Variants in F11 observed in about 807,000 individuals in gnomAD.
The protein encoded by F11 is coagualtion factor XI.
A neutral mutation model predicts 76.5 loss-of-function variants in F11; 78 were observed. The ratio of observed to expected loss-of-function variants is 1.02; its 90% CI spans 0.85 to 1.23. The LOEUF (loss-of-function observed/expected upper bound fraction) is 1.23, where lower values mean the gene tolerates loss of function less well. F11 is among the 50% of genes most tolerant of loss of function. The probability of loss-of-function intolerance (pLI) is 0.00; values close to 1 mark genes in which losing one functional copy is unlikely to be tolerated. For missense variants in F11, 742 were observed against 771.4 expected (o/e 0.96, Z 0.45); for synonymous variants, 278 against 276.3 (o/e 1.01, Z -0.06).
rs1554084006 is a variant in F11 at position 186,287,638 on chromosome 4, A to T, written c.1577-46A>T. 29 of 1,363,280 alleles carry T rather than the reference A, an allele frequency of 2.1e-5. 1 individual carries two copies. The South Asian group carries it at 3.2e-4, about 15-fold the overall frequency. 84.4% of individuals were successfully genotyped at this position (1,363,280 alleles called of 1,614,324 possible). On this transcript the variant is annotated intron_variant, in intron 13 of 14. Transcript: ENST00000403665. Reference sequence around the variant, plus strand: ...TATGTATGCATATATGTTTATGTGTATTGTGTATGGTTATTCTACAAACGA... The same window carrying T: ...TATGTATGCATATATGTTTATGTGTTTTGTGTATGGTTATTCTACAAACGA...
At position 186,269,609 on chromosome 4, in the gene F11, C is replaced by G. The variant is rs1193999923; in HGVS notation, c.56-2000C>G. ...AGGGGCCGAGGGGCCAGGGGAAGGG[C>G]TGAGGGTTGGTGTTTAATGGGCACA... On this transcript the variant is annotated intron_variant, in intron 2 of 14. Coordinates refer to ENST00000403665, the MANE Select transcript of F11 (RefSeq NM_000128.4). Among the ~76,000 whole-genome samples the G allele has an allele frequency of 1.3e-5, 2 of 152,090 alleles. 1 individual carries two copies.
At position 186,267,192 on chromosome 4, in the gene F11, G is replaced by A. The variant is rs760392581; in HGVS notation, c.55+1G>A. The A allele has an allele frequency of 6.5e-7, 1 of 1,539,396 alleles. No individual in the cohort carries two copies. The highest frequency in any genetic ancestry group is 1.1e-5 in the South Asian group (1 of 89,598). On this transcript the variant is annotated splice_donor_variant, in intron 2 of 14. Transcript: ENST00000403665. LOFTEE classifies it high-confidence loss of function. ...ATTTTATTTACTTCAGTTTCTGGTGGTAAGTAGAGTGTTATCTTAACTATG... is the reference window on the plus strand; with the variant it reads ...ATTTTATTTACTTCAGTTTCTGGTGATAAGTAGAGTGTTATCTTAACTATG...
chr4:186,285,240 A>G (rs1183901440), intron 11 of F11, among the ~76,000 whole-genome samples: 1 of 152,120 alleles, frequency 6.6e-6, no homozygotes, highest in Non-Finnish European at 1.5e-5. Flanking sequence ...GTTACCTGTC[A>G]CATATGGGAA....
intron 14 of F11, 102 bp from the exon 15 acceptor site, chr4:186,288,351 C>A: frequency 6.8e-7 from 1 of 1,463,802 alleles, no homozygotes; most frequent in South Asian, 1.1e-5. Context: ...TATTAAGGGG[C>A]CAAGACAACA....
rs5974 is a variant in F11 at position 186,280,057 on chromosome 4, A to G, written c.801A>G (p.Thr267=). ...LKTSESGLPS[T]RIKKSKALSG... ...CATCTGAGAGTGGATTGCCCAGTAC[A>G]CGCATTAAAAAGAGCAAAGCTCTTT... Residue 267 remains threonine, a synonymous_variant, in exon 8 of 15, where the codon ACA becomes ACG. Coordinates refer to ENST00000403665, the MANE Select transcript of F11 (RefSeq NM_000128.4). 0.15 allele frequency: 234,202 copies of G among 1,613,478 alleles called. 18,011 individuals carry two copies. The highest frequency in any genetic ancestry group is 0.21 in the African/African-American group (16,042 of 74,954).
intron 10 of F11, 34 bp from the exon 11 acceptor site, chr4:186,284,058 T>C: frequency 6.2e-7 from 1 of 1,613,994 alleles, no homozygotes; most frequent in Non-Finnish European, 8.5e-7. Flanking sequence ...AAGGAAGATG[T>C]AGGAAGCTGC....
At chr4:186,287,905 T>A (rs1474786177) in intron 14 of F11, 82 bp downstream of exon 14, 1 of 1,532,226 alleles carries the variant, frequency 6.5e-7, no homozygotes, top group Non-Finnish European at 8.9e-7. Flanking sequence ...GTTTTGTTTT[T>A]TTTGTTTGTT....
intron 11 of F11, 134 bp downstream of exon 11, chr4:186,284,394 T>A: frequency 6.4e-6 from 6 of 943,350 alleles, no homozygotes; most frequent in African/African-American, 4.9e-5. Flanking sequence ...GCTTCAGTGG[T>A]AAAAAACGCA....
At chr4:186,279,591 G>A (rs916207865) in intron 7 of F11, among the ~76,000 whole-genome samples, 1 of 152,104 alleles carries the variant, frequency 6.6e-6, no homozygotes, top group Non-Finnish European at 1.5e-5. Context: ...TCTTTTCCAG[G>A]AAGATGCTTC....
rs143765954 is a variant in F11, at chr4:186,280,763, A to G, written c.1135+183A>G. Among the ~76,000 whole-genome samples the G allele has an allele frequency of 3.0e-4, 46 of 152,142 alleles. 1 individual carries two copies. The East Asian group carries it at 8.5e-3, about 28-fold the overall frequency. On this transcript the variant is annotated intron_variant, in intron 10 of 14. Coordinates refer to ENST00000403665, the MANE Select transcript of F11 (RefSeq NM_000128.4). ...GACCATGTTTTAAAGGTAAATATTGAGGCTTGACTAAACTGTACATTGCCT... is the reference window on the plus strand; with the variant it reads ...GACCATGTTTTAAAGGTAAATATTGGGGCTTGACTAAACTGTACATTGCCT...
intron 4 of F11, 95 bp from the exon 5 acceptor site, chr4:186,274,021 T>C (rs1338596931): frequency 1.4e-6 from 2 of 1,411,482 alleles, no homozygotes; most frequent in Non-Finnish European, 2.0e-6. Context: ...GAAAGGTGGG[T>C]GAAAAAGTTG....
In F11 at chr4:186,275,053, A is replaced by T. The variant is rs4253838; in HGVS notation, c.486-734A>T. The T allele has an allele frequency of 7.1e-3, 2,487 of 351,894 alleles. 54 individuals carry two copies. The highest frequency in any genetic ancestry group is 0.049 in the African/African-American group (2,293 of 47,144). 21.8% of individuals were successfully genotyped at this position (351,894 alleles called of 1,614,324 possible). A position where few individuals can be genotyped will look rare whatever the true frequency, so the allele number is the denominator to read the frequency against. ...CAGTGGTGAAAAACACACACACCAA[A>T]CCCCTAAATTCATGATTTGACTTGT... On this transcript the variant is annotated intron_variant, in intron 5 of 14. Coordinates refer to ENST00000403665, the MANE Select transcript of F11 (RefSeq NM_000128.4).
At chr4:186,270,499 A>G (rs1035806775) in intron 2 of F11, among the ~76,000 whole-genome samples, 8 of 152,152 alleles carry the variant, frequency 5.3e-5, no homozygotes, top group African/African-American at 1.7e-4. Context: ...CCATCACCCA[A>G]GTAGTGAACA....
intron 1 of F11, among the ~76,000 whole-genome samples, chr4:186,266,678 C>A (rs754294318): frequency 1.3e-5 from 2 of 150,860 alleles, no homozygotes; most frequent in African/African-American, 4.8e-5. Context: ...GTATCAGCCA[C>A]AGACTTTTTT....
intron 12 of F11, 196 bp from the exon 13 acceptor site, chr4:186,286,217 GTC>G (rs1297701117): frequency 1.4e-5 from 8 of 581,354 alleles, no homozygotes; most frequent in Non-Finnish European, 2.5e-5. Flanking sequence ...GGTGAGGCTT[GTC>G]TCTCTCTCGC....
At position 186,284,181 on chromosome 4, in the gene F11, T is replaced by A. The variant is rs1187803629; in HGVS notation, c.1225T>A (p.Ser409Thr). The change falls in exon 11 of 15, where the codon TCA (serine) becomes ACA (threonine). Residue 409 changes from serine (S) to threonine (T), a missense_variant. By Grantham distance (58) the Ser-to-Thr change is moderately conservative. Transcript: ENST00000403665. ...WPWQVTLHTT[S>T]PTQRHLCGGS... is the part of the protein sequence containing the mutation. ...GTGGCAGGTGACCCTGCACACAACC[T>A]CACCCACTCAGAGACACCTGTGTGG... 2.5e-6 allele frequency: 4 copies of A among 1,614,090 alleles called. No homozygotes were observed. Among genetic ancestry groups the A allele is most frequent in the Non-Finnish European group, 3.4e-6 (4 of 1,180,052 alleles).
Position 186,273,057 on chromosome 4 carries a change from T to G in F11, c.219-14T>G. ...AAATTCCTATTCATTAATATGTATTTTTTAAAAAAACAGGTTTACTTGTGT... is the reference window on the plus strand; with the variant it reads ...AAATTCCTATTCATTAATATGTATTGTTTAAAAAAACAGGTTTACTTGTGT... On this transcript the variant is annotated splice_polypyrimidine_tract_variant and intron_variant, in intron 3 of 14. Coordinates refer to ENST00000403665, the MANE Select transcript of F11 (RefSeq NM_000128.4). 1 of 1,556,464 alleles carries G rather than the reference T, an allele frequency of 6.4e-7. No individual in the cohort carries two copies. Among genetic ancestry groups the G allele is most frequent in the South Asian group, 1.1e-5 (1 of 89,094 alleles).
At chr4:186,272,289 A>G (rs1740036295) in intron 3 of F11, among the ~76,000 whole-genome samples, 1 of 152,202 alleles carries the variant, frequency 6.6e-6, no homozygotes, top group African/African-American at 2.4e-5. Flanking sequence ...ATAATTTTAA[A>G]ACATGACACT....
chr4:186,285,050 C>T (rs1204213037), intron 11 of F11, among the ~76,000 whole-genome samples: 1 of 152,162 alleles, frequency 6.6e-6, no homozygotes, highest in Admixed American at 6.5e-5. Flanking sequence ...AAGGCTCCAG[C>T]TGGGGGTATA....
Sources: allele counts gnomAD v4.1 joint callset (sites outside exome capture counted in the v4.1 genomes callset), GRCh38; gene constraint gnomAD v4.1.1; transcripts MANE v1.5; gene names NCBI Gene and HGNC (gene_info 2026-07-23, HGNC 2026-07-21).